Variants in SH3BGRL observed in about 807,000 individuals in gnomAD.
SH3BGRL encodes SH3 domain binding glutamate rich protein like.
Under a neutral mutation model 9.8 loss-of-function variants are expected in SH3BGRL, and 7 were observed. That is an observed-to-expected ratio of 0.72 (90% CI 0.41 to 1.35). The LOEUF (loss-of-function observed/expected upper bound fraction) is 1.35, where lower values mean the gene tolerates loss of function less well. SH3BGRL is among the 40% of genes most tolerant of loss of function. The pLI, the probability that SH3BGRL is intolerant of heterozygous loss-of-function variation, is 0.01. For missense variants in SH3BGRL, 73 were observed against 84.4 expected, an observed-to-expected ratio of 0.86 and a Z score of 0.53; for synonymous variants, 36 against 29.1, an observed-to-expected ratio of 1.24 and a Z score of -0.76.
intron 1 of SH3BGRL, among the ~76,000 whole-genome samples, chrX:81,231,243 G>A (rs1253375183): frequency 1.8e-5 from 2 of 112,456 alleles, no homozygotes; most frequent in Non-Finnish European, 3.8e-5. Context: ...TCAGACGCAT[G>A]TCTAAAAAGA....
chrX:81,277,758 T>A (rs932358504), intron 2 of SH3BGRL, among the ~76,000 whole-genome samples: 1 of 111,846 alleles, frequency 8.9e-6, no homozygotes, highest in African/African-American at 3.3e-5. Context: ...GCAGGCAGAG[T>A]TAAATTCCAT....
chrX:81,204,370 C>T (rs1223545886), intron 1 of SH3BGRL, among the ~76,000 whole-genome samples: 1 of 111,692 alleles, frequency 9.0e-6, no homozygotes, highest in Admixed American at 9.5e-5. Context: ...AGGCACTTTT[C>T]AGTTTGCTGT....
At chrX:81,278,149 G>C (rs2147712734) in intron 2 of SH3BGRL, among the ~76,000 whole-genome samples, 182 bp from the exon 3 acceptor site, 1 of 112,176 alleles carries the variant, frequency 8.9e-6, no homozygotes, top group African/African-American at 3.2e-5. Context: ...TTTTAGTAGA[G>C]ACAGGGTTTC....
intron 1 of SH3BGRL, among the ~76,000 whole-genome samples, chrX:81,260,767 A>G (rs2147700511): frequency 9.0e-6 from 1 of 111,409 alleles, no homozygotes; most frequent in East Asian, 2.8e-4. Context: ...AGTTTTACTT[A>G]CATCAGGGTA....
rs148009733 is a variant in SH3BGRL, at chrX:81,289,900, A to G, written c.313-7295A>G. 9.9e-3 allele frequency among the ~76,000 whole-genome samples: 1,111 copies of G among 112,151 alleles called. 16 individuals are homozygous for G. Among genetic ancestry groups the G allele is most frequent in the African/African-American group, 0.034 (1,063 of 30,867 alleles). On this transcript the variant is annotated intron_variant, in intron 3 of 3. Transcript: ENST00000373212. ...CTATAGGAAAAATTCTAATAATCCA[A>G]TTAAAACGTAGGCAAAAGATTTGAA...
Position 81,202,179 on chromosome X carries a change from A to T in SH3BGRL, c.-22A>T. 1 of 1,207,214 alleles carries T rather than the reference A, an allele frequency of 8.3e-7. No homozygotes were observed. Among genetic ancestry groups the T allele is most frequent in the African/African-American group, 1.7e-5 (1 of 57,506 alleles). ...CCACAGCCCTTTTCAGGACCCAAACAACCGCAGCCGCTGTTCCCAGGATGG... is the reference window on the plus strand; with the variant it reads ...CCACAGCCCTTTTCAGGACCCAAACTACCGCAGCCGCTGTTCCCAGGATGG... On this transcript the variant is annotated 5_prime_UTR_variant, in exon 1 of 4. Transcript: ENST00000373212.
At chrX:81,237,145 A>G in intron 1 of SH3BGRL, 1 of 666,285 alleles carries the variant, frequency 1.5e-6, no homozygotes. Context: ...ATGGTGAAAT[A>G]GAAGACTCCA....
intron 1 of SH3BGRL, among the ~76,000 whole-genome samples, chrX:81,254,408 C>T (rs911421466): frequency 3.4e-4 from 38 of 111,517 alleles, no homozygotes; most frequent in Admixed American, 2.4e-3. Flanking sequence ...TGGGGCACAC[C>T]GCTGTGGCTT....
At chrX:81,296,946 A>G (rs1251443651) in intron 3 of SH3BGRL, among the ~76,000 whole-genome samples, 1 of 112,029 alleles carries the variant, frequency 8.9e-6, no homozygotes, top group Non-Finnish European at 1.9e-5. Flanking sequence ...ATCAATTATA[A>G]TTGTATATCA....
chrX:81,261,249 C>A (rs1451734346), intron 1 of SH3BGRL, among the ~76,000 whole-genome samples: 2 of 111,309 alleles, frequency 1.8e-5, no homozygotes, highest in Admixed American at 9.6e-5. Context: ...CTTTTTGAAT[C>A]TCAGTATTCT....
chrX:81,227,533 G>C (rs2147677496), intron 1 of SH3BGRL, among the ~76,000 whole-genome samples: 1 of 111,291 alleles, frequency 9.0e-6, no homozygotes, highest in South Asian at 3.8e-4. Context: ...TGGGACTGTT[G>C]ACTGCTTCCT....
At chrX:81,243,558 A>G (rs912760798) in intron 1 of SH3BGRL, among the ~76,000 whole-genome samples, 1 of 111,446 alleles carries the variant, frequency 9.0e-6, no homozygotes, top group African/African-American at 3.3e-5. Context: ...TTTATAGCAC[A>G]AAAGTATAAA....
chrX:81,255,856 T>C (rs1322313231), intron 1 of SH3BGRL, among the ~76,000 whole-genome samples: 1 of 112,429 alleles, frequency 8.9e-6, no homozygotes, highest in Non-Finnish European at 1.9e-5. Context: ...AAAGAGACGT[T>C]TTACTGGGAT....
At position 81,202,118 on chromosome X, in the gene SH3BGRL, GC is replaced by G; in HGVS notation, c.-79del. On this transcript the variant is annotated 5_prime_UTR_variant, in exon 1 of 4. Transcript: ENST00000373212. ...CCCTTCTCTGCCAACCGCTGTTTCA[GC>G]CCCTAGCTGGATTCCAGCCATTGCT... 2 of 986,434 alleles carry G rather than the reference GC, an allele frequency of 2.0e-6. No individual in the cohort carries two copies. Among genetic ancestry groups the G allele is most frequent in the Non-Finnish European group, 1.4e-6 (1 of 701,855 alleles). The allele number at this position is 986,434 out of a possible 1,213,427, so 81.3% of individuals were successfully genotyped here. A position where few individuals can be genotyped will look rare whatever the true frequency, so the allele number is the denominator to read the frequency against.
Position 81,297,453 on chromosome X carries a change from G to C in SH3BGRL, c.*226G>C. 1 of 316,061 alleles carries C rather than the reference G, an allele frequency of 3.2e-6. No homozygotes were observed. Among genetic ancestry groups the C allele is most frequent in the Non-Finnish European group, 5.6e-6 (1 of 180,084 alleles). 26.0% of individuals were successfully genotyped at this position (316,061 alleles called of 1,213,427 possible). ...TAACATAAAATTATATTAATAAGTA[G>C]ATATCGTAGAAATAGTGTTGTTACC... is the stretch of plus-strand genomic sequence containing the variant. On this transcript the variant is annotated 3_prime_UTR_variant, in exon 4 of 4. Coordinates refer to ENST00000373212, the MANE Select transcript of SH3BGRL (RefSeq NM_003022.3).
At chrX:81,223,052 T>A (rs1021554944) in intron 1 of SH3BGRL, among the ~76,000 whole-genome samples, 1 of 111,914 alleles carries the variant, frequency 8.9e-6, no homozygotes, top group Non-Finnish European at 1.9e-5. Flanking sequence ...TTGTTTGAGT[T>A]CATTGCAGAT....
intron 1 of SH3BGRL, among the ~76,000 whole-genome samples, chrX:81,243,282 C>T (rs779352785): frequency 2.9e-4 from 32 of 111,863 alleles, no homozygotes; most frequent in Non-Finnish European, 7.5e-5. Flanking sequence ...ATAAATCAGG[C>T]GCAATAAGGC....
intron 1 of SH3BGRL, among the ~76,000 whole-genome samples, chrX:81,263,462 T>G (rs1469683563): frequency 8.9e-6 from 1 of 111,943 alleles, no homozygotes; most frequent in Non-Finnish European, 1.9e-5. Context: ...GTACGTTTGA[T>G]AAGACAAGAC....
chrX:81,243,179 C>T (rs1053159052), intron 1 of SH3BGRL, among the ~76,000 whole-genome samples: 3 of 112,260 alleles, frequency 2.7e-5, no homozygotes, highest in African/African-American at 9.7e-5. Flanking sequence ...AAATGTGGTA[C>T]ATATGCACAG....
Sources: allele counts gnomAD v4.1 joint callset (sites outside exome capture counted in the v4.1 genomes callset), GRCh38; gene constraint gnomAD v4.1.1; transcripts MANE v1.5; gene names NCBI Gene and HGNC (gene_info 2026-07-23, HGNC 2026-07-21).